The following MGMT variants were observed in gnomAD, a reference collection of about 807,000 sequenced individuals.
The protein encoded by MGMT is O-6-methylguanine-DNA methyltransferase, also known as methylated-DNA--protein-cysteine methyltransferase.
MGMT carries 14 observed loss-of-function variants against 15.9 expected under a neutral mutation model. The observed-to-expected ratio is 0.88, with a 90% confidence interval of 0.58 to 1.37. MGMT has a LOEUF of 1.37. Among genes scored for constraint, MGMT ranks in the 40% most tolerant of loss-of-function variants. The pLI is 0.00. For synonymous variants in MGMT, 130 were observed against 118.2 expected (o/e 1.10, Z -0.65); for missense variants, 282 against 268.1 (o/e 1.05, Z -0.36).
At chr10:129,489,148 C>T (rs929128132) in intron 1 of MGMT, among the ~76,000 whole-genome samples, 2 of 152,012 alleles carry the variant, frequency 1.3e-5, no homozygotes, top group African/African-American at 4.8e-5. Flanking sequence ...ATCATGAGTT[C>T]AGGAGTTTGA....
chr10:129,598,776 A>G lies in MGMT; in HGVS notation c.125+62399A>G, dbSNP rs576000208. On this transcript the variant is annotated intron_variant, in intron 2 of 4. Coordinates refer to ENST00000651593, the MANE Select transcript of MGMT (RefSeq NM_002412.5). ...GTGCTTGTCTTGTATATTACAAAGT[A>G]GAGACGACTTGCCCACACCCCCTCC... Among the ~76,000 whole-genome samples, 3 of 152,304 alleles carry G rather than the reference A, an allele frequency of 2.0e-5. No individual in the cohort carries two copies. In the East Asian group the frequency reaches 5.8e-4, roughly 29 times the overall value.
At chr10:129,650,365 G>T (rs538852263) in intron 2 of MGMT, among the ~76,000 whole-genome samples, 1 of 152,186 alleles carries the variant, frequency 6.6e-6, no homozygotes, top group Admixed American at 6.5e-5. Flanking sequence ...GCTAGAGGAC[G>T]CGAGCACATG....
At chr10:129,732,964 A>C (rs1011438217) in intron 3 of MGMT, among the ~76,000 whole-genome samples, 14 of 151,004 alleles carry the variant, frequency 9.3e-5, no homozygotes, top group Non-Finnish European at 1.6e-4. Context: ...TCATTGTTGG[A>C]CATTTGGGTT....
chr10:129,500,284 C>T (rs536791947), intron 1 of MGMT, among the ~76,000 whole-genome samples: 10 of 152,246 alleles, frequency 6.6e-5, no homozygotes, highest in African/African-American at 2.2e-4. Context: ...GTGAACTGGG[C>T]GGGGGATTCA....
At chr10:129,506,006 A>ATT (rs71478939) in intron 1 of MGMT, among the ~76,000 whole-genome samples, 6,384 of 132,486 alleles carry the variant, frequency 0.048, 191 homozygotes, top group South Asian at 0.065. Context: ...TGCAGTTGCT[A>ATT]TTTTTTTTTT....
intron 2 of MGMT, among the ~76,000 whole-genome samples, chr10:129,704,351 CCCCCAGGG>C (rs1848134586): frequency 6.6e-6 from 1 of 152,104 alleles, no homozygotes; most frequent in African/African-American, 2.4e-5. Flanking sequence ...AGCCCGGCTT[CCCCCAGGG>C]CCTCTTTGTG....
intron 2 of MGMT, among the ~76,000 whole-genome samples, chr10:129,541,882 C>G (rs1263403644): frequency 6.6e-6 from 1 of 152,120 alleles, no homozygotes; most frequent in African/African-American, 2.4e-5. Flanking sequence ...GGCATCTGGC[C>G]CAGCCAGCCC....
intron 3 of MGMT, among the ~76,000 whole-genome samples, chr10:129,755,607 T>C (rs1848796730): frequency 6.6e-6 from 1 of 152,160 alleles, no homozygotes; most frequent in African/African-American, 2.4e-5. Context: ...GGAGCTGTGA[T>C]GGTTGAGGGA....
chr10:129,614,044 C>G lies in MGMT; in HGVS notation c.125+77667C>G, dbSNP rs779207095. Reference sequence around the variant, plus strand: ...CCGTCGTGCAGCCATCACCACCACCCATCCTCAGAGCCCCTCATCTTCCCA... The same window carrying G: ...CCGTCGTGCAGCCATCACCACCACCGATCCTCAGAGCCCCTCATCTTCCCA... On this transcript the variant is annotated intron_variant, in intron 2 of 4. Transcript: ENST00000651593. Among the ~76,000 whole-genome samples the G allele has an allele frequency of 2.0e-5, 3 of 152,226 alleles. No homozygotes were observed. The East Asian group carries it at 5.8e-4, about 29-fold the overall frequency.
rs777537764 is a variant in MGMT, at chr10:129,768,606, CA to C, written c.*1610del. Reference sequence around the variant, plus strand: ...GCCCTCCCCAGTGATGGCCGGTCACCAGGCACGGCTTTCCCCTCTGCATGAA... The same window carrying C: ...GCCCTCCCCAGTGATGGCCGGTCACCGGCACGGCTTTCCCCTCTGCATGAA... On this transcript the variant is annotated 3_prime_UTR_variant, in exon 5 of 5. Transcript: ENST00000651593. Among the ~76,000 whole-genome samples the C allele has an allele frequency of 1.8e-4, 28 of 152,364 alleles. No homozygotes were observed. Among genetic ancestry groups the C allele is most frequent in the East Asian group, 1.4e-3 (7 of 5,174 alleles).
intron 2 of MGMT, among the ~76,000 whole-genome samples, chr10:129,581,129 T>G (rs1846550373): frequency 6.6e-6 from 1 of 152,190 alleles, no homozygotes; most frequent in African/African-American, 2.4e-5. Flanking sequence ...TTGTTAACGG[T>G]GCAGCTGCAG....
At chr10:129,565,839 T>C (rs1018272645) in intron 2 of MGMT, among the ~76,000 whole-genome samples, 1 of 152,288 alleles carries the variant, frequency 6.6e-6, no homozygotes, top group African/African-American at 2.4e-5. Flanking sequence ...CTGCAGTTCA[T>C]TGAAATGCCA....
At chr10:129,588,926 C>A (rs555525718) in intron 2 of MGMT, among the ~76,000 whole-genome samples, 1 of 152,378 alleles carries the variant, frequency 6.6e-6, no homozygotes, top group South Asian at 2.1e-4. Flanking sequence ...CGCGCAGATT[C>A]CCCTCAGGGG....
chr10:129,541,222 C>T (rs540359051), intron 2 of MGMT, among the ~76,000 whole-genome samples: 7 of 152,360 alleles, frequency 4.6e-5, no homozygotes, highest in South Asian at 2.1e-4. Context: ...TCCCTAAAAA[C>T]GTGTGAGAAG....
At chr10:129,582,795 C>G (rs1211898406) in intron 2 of MGMT, among the ~76,000 whole-genome samples, 4 of 152,180 alleles carry the variant, frequency 2.6e-5, no homozygotes, top group Non-Finnish European at 5.9e-5. Flanking sequence ...TGAGGATTGC[C>G]CTGTGCCCGC....
chr10:129,657,234 C>T (rs866841571), intron 2 of MGMT, among the ~76,000 whole-genome samples: 2 of 152,114 alleles, frequency 1.3e-5, no homozygotes, highest in East Asian at 1.9e-4. Context: ...TTAAGTGCTT[C>T]GAATCGGGAT....
rs954090363 is a variant in MGMT at position 129,573,051 on chromosome 10, GTCC to G, written c.125+36677_125+36679del. 1.6e-4 allele frequency among the ~76,000 whole-genome samples: 24 copies of G among 152,074 alleles called. 1 individual carries two copies. The highest frequency in any genetic ancestry group is 2.1e-4 in the South Asian group (1 of 4,818). ...TTTAAAATTTAGTGCTTTGAAAATT[GTCC>G]TCATTTTAATTTTTTGGATTTTAAT... On this transcript the variant is annotated intron_variant, in intron 2 of 4. Coordinates refer to ENST00000651593, the MANE Select transcript of MGMT (RefSeq NM_002412.5).
At chr10:129,527,131 C>T (rs1184148751) in intron 1 of MGMT, among the ~76,000 whole-genome samples, 3 of 152,232 alleles carry the variant, frequency 2.0e-5, no homozygotes, top group Admixed American at 1.3e-4. Context: ...ACTGTTGAAT[C>T]GCCTGGGCGT....
intron 2 of MGMT, among the ~76,000 whole-genome samples, chr10:129,558,676 G>A (rs189821585): frequency 2.9e-4 from 44 of 152,122 alleles, no homozygotes; most frequent in Non-Finnish European, 8.8e-5. Context: ...GGAAATCTCC[G>A]GCGTCTCTCC....
Sources: gnomAD v4.1 joint callset for allele counts (sites outside exome capture counted in the v4.1 genomes callset) on GRCh38, gnomAD v4.1.1 for gene constraint, MANE v1.5 for transcripts, NCBI Gene and HGNC (gene_info 2026-07-23, HGNC 2026-07-21) for gene names.